Variants in RNF2 observed in about 807,000 individuals in gnomAD.
The protein encoded by RNF2 is ring finger protein 2.
A neutral mutation model predicts 37.2 loss-of-function variants in RNF2; 6 were observed. That is an observed-to-expected ratio of 0.16 (90% CI 0.09 to 0.32). The LOEUF (loss-of-function observed/expected upper bound fraction) is 0.32, where lower values mean the gene tolerates loss of function less well. Ranked by LOEUF, RNF2 falls within the 10% of genes least tolerant of loss-of-function variation. RNF2 has a pLI of 1.00. For missense variants in RNF2, 251 were observed against 404.0 expected, an observed-to-expected ratio of 0.62 and a Z score of 3.25; for synonymous variants, 133 against 132.7, an observed-to-expected ratio of 1.00 and a Z score of -0.02.
At chr1:185,064,098 G>A (rs949244737) in intron 1 of RNF2, among the ~76,000 whole-genome samples, 2 of 152,176 alleles carry the variant, frequency 1.3e-5, no homozygotes, top group African/African-American at 4.8e-5. Flanking sequence ...GCCATAGTTA[G>A]AGACTTAATT....
chr1:185,081,582 C>T (rs191117950), intron 1 of RNF2, among the ~76,000 whole-genome samples: 7 of 12,384 alleles, frequency 5.7e-4, no homozygotes, highest in East Asian at 1.8e-3. Flanking sequence ...TTAGTAGAGA[C>T]GGGTGGGGTG....
intron 1 of RNF2, among the ~76,000 whole-genome samples, chr1:185,049,649 A>G (rs1255703104): frequency 4.9e-5 from 7 of 143,982 alleles, no homozygotes; most frequent in Non-Finnish European, 9.1e-5. Context: ...GATTTAATAT[A>G]GGGAGTTGGT....
At chr1:185,077,983 C>T (rs761231018) in intron 1 of RNF2, among the ~76,000 whole-genome samples, 2 of 152,196 alleles carry the variant, frequency 1.3e-5, no homozygotes, top group African/African-American at 2.4e-5. Context: ...TGGTGGCTCA[C>T]GCCTGTAATC....
At chr1:185,064,491 C>T (rs74809352) in intron 1 of RNF2, among the ~76,000 whole-genome samples, 2 of 152,308 alleles carry the variant, frequency 1.3e-5, no homozygotes, top group East Asian at 3.9e-4. Flanking sequence ...ATGCATTCAG[C>T]ATGCTCCTTG....
At chr1:185,079,253 G>T in intron 1 of RNF2, among the ~76,000 whole-genome samples, 1 of 151,930 alleles carries the variant, frequency 6.6e-6, no homozygotes, top group East Asian at 1.9e-4. Flanking sequence ...TATAATTAAT[G>T]AGCTGTAACT....
chr1:185,081,197 A>G (rs923758473), intron 1 of RNF2, among the ~76,000 whole-genome samples: 16 of 152,178 alleles, frequency 1.1e-4, no homozygotes, highest in African/African-American at 3.9e-4. Flanking sequence ...AATGAGAAAT[A>G]AGTTTGTTTA....
chr1:185,046,266 C>T (rs1017693379), intron 1 of RNF2: 2 of 152,246 alleles, frequency 1.3e-5, no homozygotes, highest in South Asian at 4.2e-4. Flanking sequence ...GCCTCCTGCT[C>T]TGGAGTATCT....
At position 185,091,688 on chromosome 1, in the gene RNF2, A is replaced by G; in HGVS notation, c.197A>G (p.Glu66Gly). ...TTGAAGAACACCATGACTACAAAGGAGTGTTTACATCGTTTTTGTGCAGAC... is the reference window on the plus strand; with the variant it reads ...TTGAAGAACACCATGACTACAAAGGGGTGTTTACATCGTTTTTGTGCAGAC... ...DMLKNTMTTK[E>G]CLHRFCADCI... The change falls in exon 3 of 7, where the codon GAG becomes GGG. Residue 66 changes from glutamate to glycine, a missense_variant. Glu to Gly is a moderately conservative substitution (Grantham distance 98, BLOSUM62 -2). Around this residue, in one of 7 missense-constraint regions of RNF2, gnomAD observed 43 missense variants for 82.7 expected, o/e 0.52. Transcript: ENST00000367510. 6.2e-7 allele frequency: 1 copy of G among 1,614,144 alleles called. No individual in the cohort carries two copies. Among genetic ancestry groups the G allele is most frequent in the Non-Finnish European group, 8.5e-7 (1 of 1,179,984 alleles).
intron 1 of RNF2, among the ~76,000 whole-genome samples, chr1:185,048,377 T>C (rs532369904): frequency 6.6e-6 from 1 of 152,228 alleles, no homozygotes; most frequent in Non-Finnish European, 1.5e-5. Context: ...TAGTTATGTA[T>C]CTTGTTGGAT....
chr1:185,046,241 C>T (rs1650116287), intron 1 of RNF2: 2 of 152,278 alleles, frequency 1.3e-5, no homozygotes, highest in African/African-American at 4.8e-5. Context: ...CAGCTTCACA[C>T]ATTCCTGGAG....
intron 1 of RNF2, among the ~76,000 whole-genome samples, chr1:185,063,766 G>C (rs1650718215): frequency 6.6e-6 from 1 of 152,104 alleles, no homozygotes; most frequent in Non-Finnish European, 1.5e-5. Flanking sequence ...AACTTCTGGA[G>C]GTTACCTGCA....
At position 185,101,836 on chromosome 1, in the gene RNF2, T is replaced by TTTG. The variant is rs1169453682; in HGVS notation, c.*1537_*1538insGTT. The TTTG allele has an allele frequency of 1.4e-5, 2 of 144,634 alleles. No individual in the cohort carries two copies. The highest frequency in any genetic ancestry group is 2.7e-5 in the African/African-American group (1 of 37,354). 9.0% of individuals were successfully genotyped at this position (144,634 alleles called of 1,614,324 possible). A position where few individuals can be genotyped will look rare whatever the true frequency, so the allele number is the denominator to read the frequency against. On this transcript the variant is annotated 3_prime_UTR_variant, in exon 7 of 7. Transcript: ENST00000367510. ...TTTAAAATCTGTTTTTACAGGGTTT[T>TTTG]TTTTTTTTTTTTTTTTTTGTAATCT...
rs1652044104 is a variant in RNF2, at chr1:185,100,366, A to G, written c.*65A>G. ...CCTATTTCTTTAATATTAAAGATGT[A>G]CTGGCATTACTTTTATGGACAGATC... On this transcript the variant is annotated 3_prime_UTR_variant, in exon 7 of 7. Transcript: ENST00000367510. 2 of 1,043,360 alleles carry G rather than the reference A, an allele frequency of 1.9e-6. No homozygotes were observed. The highest frequency in any genetic ancestry group is 2.9e-5 in the South Asian group (2 of 68,290). The allele number at this position is 1,043,360 out of a possible 1,614,324, so 64.6% of individuals were successfully genotyped here.
In RNF2 at chr1:185,101,853, T is replaced by TTTC. The variant is rs1395864520; in HGVS notation, c.*1553_*1554insTCT. ...CAGGGTTTTTTTTTTTTTTTTTTTT[T>TTTC]TGTAATCTGTGCCATGAAATTTGAA... is the stretch of plus-strand genomic sequence containing the variant. On this transcript the variant is annotated 3_prime_UTR_variant, in exon 7 of 7. Coordinates refer to ENST00000367510, the MANE Select transcript of RNF2 (RefSeq NM_007212.4). 21 of 149,338 alleles carry TTTC rather than the reference T, an allele frequency of 1.4e-4. No individual in the cohort carries two copies. Among genetic ancestry groups the TTTC allele is most frequent in the African/African-American group, 5.2e-4 (21 of 40,138 alleles). The allele number at this position is 149,338 out of a possible 1,614,324, so 9.3% of individuals were successfully genotyped here.
chr1:185,056,760 A>G (rs1269586158), intron 1 of RNF2, among the ~76,000 whole-genome samples: 1 of 152,180 alleles, frequency 6.6e-6, no homozygotes, highest in East Asian at 1.9e-4. Flanking sequence ...TTAAGAGCTA[A>G]GAATGGGGGT....
At position 185,076,007 on chromosome 1, in the gene RNF2, A is replaced by G. The variant is rs542967616; in HGVS notation, c.-2-11545A>G. Among the ~76,000 whole-genome samples the G allele has an allele frequency of 4.6e-5, 7 of 152,024 alleles. 1 individual carries two copies. In the South Asian group the frequency reaches 1.5e-3, roughly 32 times the overall value. The stretch of plus-strand genomic sequence containing the variant: ...TTATGTATTGTGTTAATTACTCATC[A>G]TTTTGCTTATATTGTCTTTTAAATT... On this transcript the variant is annotated intron_variant, in intron 1 of 6. Transcript: ENST00000367510.
At chr1:185,061,512 G>A (rs915986834) in intron 1 of RNF2, among the ~76,000 whole-genome samples, 5 of 152,172 alleles carry the variant, frequency 3.3e-5, no homozygotes, top group African/African-American at 1.2e-4. Flanking sequence ...GAAAACGATA[G>A]CTAGCTCATT....
chr1:185,075,785 C>G (rs906478058), intron 1 of RNF2, among the ~76,000 whole-genome samples: 5 of 152,220 alleles, frequency 3.3e-5, no homozygotes, highest in African/African-American at 1.2e-4. Flanking sequence ...CCACCAGGCC[C>G]CTCCTCCAAC....
chr1:185,099,563 G>A (rs1318387154), intron 5 of RNF2, among the ~76,000 whole-genome samples: 1 of 152,038 alleles, frequency 6.6e-6, no homozygotes. Context: ...GGTAGGTAAA[G>A]CTTTTGTGAC....
Sources: gnomAD v4.1 joint callset for allele counts (sites outside exome capture counted in the v4.1 genomes callset) on GRCh38, gnomAD v4.1.1 for gene constraint, gnomAD v4.1.1 regional missense constraint, MANE v1.5 for transcripts, NCBI Gene and HGNC (gene_info 2026-07-23, HGNC 2026-07-21) for gene names.